CBFA2T3: variants seen among roughly 807,000 people sequenced by gnomAD.
CBFA2T3 encodes the protein transcriptional corepressor CBFA2T3.
Under a neutral mutation model 58.6 loss-of-function variants are expected in CBFA2T3, and 31 were observed. That is an observed-to-expected ratio of 0.53 (90% confidence interval 0.40 to 0.71). The LOEUF (loss-of-function observed/expected upper bound fraction) is 0.71. Ranked by LOEUF, CBFA2T3 falls within the 30% of genes least tolerant of loss-of-function variation. The pLI is 0.00. For missense variants in CBFA2T3, 1,076 were observed against 963.1 expected, an observed-to-expected ratio of 1.12 and a Z score of -1.55; for synonymous variants, 531 against 421.9, an observed-to-expected ratio of 1.26 and a Z score of -3.17.
intron 1 of CBFA2T3, among the ~76,000 whole-genome samples, chr16:88,943,027 C>G (rs1971797048): frequency 2.0e-5 from 3 of 152,208 alleles, no homozygotes; most frequent in Non-Finnish European, 2.9e-5. Flanking sequence ...TTCATGGACT[C>G]TGAGGCACAG....
At chr16:88,894,179 GCATA>G (rs1463295547) in intron 3 of CBFA2T3, among the ~76,000 whole-genome samples, 41 of 145,762 alleles carry the variant, frequency 2.8e-4, no homozygotes, top group Non-Finnish European at 4.4e-4. Context: ...ACACACACAT[GCATA>G]CATATACACA....
chr16:88,977,015 G>C lies in CBFA2T3; in HGVS notation c.-208C>G, dbSNP rs1241300366. The stretch of plus-strand genomic sequence containing the variant: ...CCCTGGGGAGGGGGTGGGAGCCCTG[G>C]GGCTCATGTGACGCGGGGCGGGCCT... On this transcript the variant is annotated 5_prime_UTR_variant, in exon 1 of 12. Coordinates refer to ENST00000268679, the MANE Select transcript of CBFA2T3 (RefSeq NM_005187.6). 3.9e-6 allele frequency: 2 copies of C among 512,274 alleles called. No homozygotes were observed. Among genetic ancestry groups the C allele is most frequent in the Non-Finnish European group, 6.9e-6 (2 of 291,048 alleles). 31.7% of individuals were successfully genotyped at this position (512,274 alleles called of 1,614,324 possible). A position where few individuals can be genotyped will look rare whatever the true frequency, so the allele number is the denominator to read the frequency against.
At chr16:88,966,606 C>T (rs992924625) in intron 1 of CBFA2T3, among the ~76,000 whole-genome samples, 1 of 152,198 alleles carries the variant, frequency 6.6e-6, no homozygotes, top group Admixed American at 6.5e-5. Flanking sequence ...TCCCAGCCTC[C>T]CTTGGAGGCC....
At chr16:88,909,226 G>C (rs997163615) in intron 1 of CBFA2T3, among the ~76,000 whole-genome samples, 2 of 152,234 alleles carry the variant, frequency 1.3e-5, no homozygotes, top group African/African-American at 2.4e-5. Flanking sequence ...GGCAGGGCTC[G>C]GAGATGCTCA....
intron 10 of CBFA2T3, 53 bp downstream of exon 10, chr16:88,880,667 G>A (rs1597655749): frequency 6.9e-7 from 1 of 1,452,436 alleles, no homozygotes; most frequent in East Asian, 2.5e-5. Flanking sequence ...AGGCGCATCT[G>A]GGGCCCTGGC....
At chr16:88,887,037 GTGCTGGACCCTGAGCA>G (rs144243818) in intron 5 of CBFA2T3, 4,457 of 152,374 alleles carry the variant, frequency 0.029, 90 homozygotes, top group Non-Finnish European at 0.047. Flanking sequence ...GCGGACAGGC[GTGCTGGACCCTGAGCA>G]TGCTGGACCA....
rs1971440113 is a variant in CBFA2T3, at chr16:88,934,763, G to A, written c.152-33107C>T. Among the ~76,000 whole-genome samples, 3 of 152,170 alleles carry A rather than the reference G, an allele frequency of 2.0e-5. No homozygotes were observed. In the South Asian group the frequency reaches 6.2e-4, roughly 32 times the overall value. ...GACGCATTCTTTTTTTCTCGGAGAC[G>A]GAGTCTCGCTCTGTCGCCCAGGCTG... On this transcript the variant is annotated intron_variant, in intron 1 of 11. Coordinates refer to ENST00000268679, the MANE Select transcript of CBFA2T3 (RefSeq NM_005187.6).
At chr16:88,966,979 A>G (rs951819154) in intron 1 of CBFA2T3, among the ~76,000 whole-genome samples, 3 of 152,200 alleles carry the variant, frequency 2.0e-5, no homozygotes, top group Admixed American at 6.5e-5. Flanking sequence ...GCCTTGGAGA[A>G]ACCATGTGGG....
chr16:88,926,312 T>C (rs1971083542), intron 1 of CBFA2T3, among the ~76,000 whole-genome samples: 1 of 152,168 alleles, frequency 6.6e-6, no homozygotes, highest in Admixed American at 6.5e-5. Context: ...CCTCCTCCAA[T>C]GTCCAGCTGG....
At position 88,905,739 on chromosome 16, in the gene CBFA2T3, A is replaced by G. The variant is rs1396601384; in HGVS notation, c.152-4083T>C. Among the ~76,000 whole-genome samples, 148 of 42,340 alleles carry G rather than the reference A, an allele frequency of 3.5e-3. 2 individuals are homozygous for G. Among genetic ancestry groups the G allele is most frequent in the Middle Eastern group, 0.031 (3 of 96 alleles). The allele number at this position is 42,340 out of a possible 152,430, so 27.8% of individuals were successfully genotyped here. On this transcript the variant is annotated intron_variant, in intron 1 of 11. Transcript: ENST00000268679. ...GGGGCGGGGCTGAAGGAGGGGCGGG[A>G]CTGGAGGGGCGGGGCTGAAGGACGG...
In CBFA2T3 at chr16:88,921,115, C is replaced by A. The variant is rs546246524; in HGVS notation, c.152-19459G>T. Among the ~76,000 whole-genome samples, 4 of 152,334 alleles carry A rather than the reference C, an allele frequency of 2.6e-5. No individual in the cohort carries two copies. The East Asian group carries it at 7.7e-4, about 29-fold the overall frequency. Reference sequence around the variant, plus strand: ...CTGCCCGGCTCTCACAGGGCGGAGGCCTGGGGCAAGGGAGACCAAGTGATT... The same window carrying A: ...CTGCCCGGCTCTCACAGGGCGGAGGACTGGGGCAAGGGAGACCAAGTGATT... On this transcript the variant is annotated intron_variant, in intron 1 of 11. Coordinates refer to ENST00000268679, the MANE Select transcript of CBFA2T3 (RefSeq NM_005187.6).
intron 1 of CBFA2T3, among the ~76,000 whole-genome samples, chr16:88,975,017 G>A (rs1005114820): frequency 4.8e-5 from 7 of 146,426 alleles, no homozygotes; most frequent in South Asian, 2.1e-4. Context: ...GCAGGACCCC[G>A]CACCCAAGTG....
At position 88,885,544 on chromosome 16, in the gene CBFA2T3, G is replaced by A. The variant is rs1597666259; in HGVS notation, c.894-275C>T. ...CAAAGAGCCGGACTCGCTGCTCTGG[G>A]AACGAGGAGAGGGATACACCAGGCT... On this transcript the variant is annotated intron_variant, in intron 6 of 11. Coordinates refer to ENST00000268679, the MANE Select transcript of CBFA2T3 (RefSeq NM_005187.6). The surrounding 1 kb of genome is among the most constrained non-coding windows in gnomAD (Gnocchi z 5.3). Among the ~76,000 whole-genome samples, 1 of 152,264 alleles carries A rather than the reference G, an allele frequency of 6.6e-6. No homozygotes were observed. The highest frequency in any genetic ancestry group is 1.9e-4 in the East Asian group (1 of 5,186).
chr16:88,879,263 G>T lies in CBFA2T3; in HGVS notation c.1662+7C>A. The T allele has an allele frequency of 6.3e-7, 1 of 1,583,950 alleles. No individual in the cohort carries two copies. Among genetic ancestry groups the T allele is most frequent in the Non-Finnish European group, 8.6e-7 (1 of 1,162,954 alleles). On this transcript the variant is annotated splice_region_variant and intron_variant, in intron 11 of 11. Transcript: ENST00000268679. ...GGATGGGTGTCAGCGTGGCCGGGTG[G>T]CCCTACCTCGCTGGAGTCCTCCTGC...
chr16:88,934,992 G>A (rs947016341), intron 1 of CBFA2T3, among the ~76,000 whole-genome samples: 7 of 152,130 alleles, frequency 4.6e-5, no homozygotes, highest in Admixed American at 2.0e-4. Context: ...CACCCGCCTT[G>A]GCCTCCCAAA....
intron 1 of CBFA2T3, among the ~76,000 whole-genome samples, chr16:88,913,682 A>C (rs1400674771): frequency 6.6e-6 from 1 of 152,196 alleles, no homozygotes; most frequent in Non-Finnish European, 1.5e-5. Context: ...CACCTTCAGG[A>C]ATGCATTCTC....
At position 88,891,359 on chromosome 16, in the gene CBFA2T3, C is replaced by T. The variant is rs973666647; in HGVS notation, c.711+523G>A. Among the ~76,000 whole-genome samples the T allele has an allele frequency of 5.3e-5, 8 of 152,180 alleles. No individual in the cohort carries two copies. In the South Asian group the frequency reaches 6.2e-4, roughly 12 times the overall value. On this transcript the variant is annotated intron_variant, in intron 5 of 11. Transcript: ENST00000268679. ...CCCTCATCCTCAGCCCTCACCAACA[C>T]GCCTCCAAGCAAAGGACTTTCGGAA... is the stretch of plus-strand genomic sequence containing the variant.
intron 10 of CBFA2T3, chr16:88,879,977 G>C (rs1969002666): frequency 6.2e-6 from 1 of 162,392 alleles, no homozygotes; most frequent in African/African-American, 2.4e-5. Context: ...CCTCGTCCAG[G>C]GCTCTGTGCT....
intron 1 of CBFA2T3, among the ~76,000 whole-genome samples, chr16:88,930,989 C>T (rs538639431): frequency 2.4e-4 from 36 of 151,976 alleles, no homozygotes; most frequent in Non-Finnish European, 4.1e-4. Context: ...TATAACTCCA[C>T]GATGCTTAAA....
Sources: gnomAD v4.1 joint callset for allele counts (sites outside exome capture counted in the v4.1 genomes callset) on GRCh38, gnomAD v4.1.1 for gene constraint, Gnocchi (gnomAD v3.1) non-coding constraint, MANE v1.5 for transcripts, NCBI Gene and HGNC (gene_info 2026-07-23, HGNC 2026-07-21) for gene names.